C8A: variants seen among roughly 807,000 people sequenced by gnomAD.
C8A encodes the protein complement C8 alpha chain.
A neutral mutation model predicts 65.3 loss-of-function variants in C8A; 67 were observed. That is an observed-to-expected ratio of 1.03 (90% CI 0.84 to 1.26). C8A has a LOEUF of 1.26. Among genes scored for constraint, C8A ranks in the 50% most tolerant of loss-of-function variants. C8A has a pLI of 0.00. For missense variants in C8A, 781 were observed against 723.9 expected (o/e 1.08, Z -0.90); for synonymous variants, 290 against 259.4 (o/e 1.12, Z -1.13).
intron 2 of C8A, among the ~76,000 whole-genome samples, chr1:56,871,801 G>C (rs1644149219): frequency 6.6e-6 from 1 of 152,172 alleles, no homozygotes; most frequent in South Asian, 2.1e-4. Flanking sequence ...ATAATTTTTA[G>C]AGTAAGAAAG....
chr1:56,883,020 G>T (rs971956503), intron 5 of C8A, among the ~76,000 whole-genome samples: 7 of 150,432 alleles, frequency 4.7e-5, no homozygotes, highest in Non-Finnish European at 1.0e-4. Context: ...GCAGAGAAAT[G>T]AAATCCTGTA....
chr1:56,917,788 C>A lies in C8A; in HGVS notation c.*72C>A, dbSNP rs1221766302. ...TGCACTGACTATTGGATAAAGACTT[C>A]TTTCAACTAAGAGAAGATGCAAATC... On this transcript the variant is annotated 3_prime_UTR_variant, in exon 11 of 11. Coordinates refer to ENST00000361249, the MANE Select transcript of C8A (RefSeq NM_000562.3). The A allele has an allele frequency of 7.0e-6, 11 of 1,563,668 alleles. No individual in the cohort carries two copies. In the Admixed American group the frequency reaches 1.9e-4, roughly 26 times the overall value.
intron 2 of C8A, among the ~76,000 whole-genome samples, chr1:56,870,352 C>A (rs1644131850): frequency 6.6e-6 from 1 of 152,020 alleles, no homozygotes; most frequent in African/African-American, 2.4e-5. Context: ...CTAATATTTG[C>A]CTCTTCCAGC....
intron 1 of C8A, among the ~76,000 whole-genome samples, chr1:56,865,113 A>G (rs1267328955): frequency 6.6e-6 from 1 of 152,240 alleles, no homozygotes; most frequent in African/African-American, 2.4e-5. Context: ...TGGGACTTAA[A>G]TATTCTATGT....
At chr1:56,873,330 C>T (rs927632554) in intron 2 of C8A, among the ~76,000 whole-genome samples, 9 of 152,170 alleles carry the variant, frequency 5.9e-5, no homozygotes, top group Admixed American at 2.6e-4. Flanking sequence ...CATTCTCTTA[C>T]TCAGAGCTCA....
intron 5 of C8A, among the ~76,000 whole-genome samples, chr1:56,883,103 G>A (rs915932034): frequency 6.6e-6 from 1 of 152,110 alleles, no homozygotes; most frequent in Non-Finnish European, 1.5e-5. Context: ...GCCCAGATGT[G>A]GCTTTCTGTA....
Position 56,912,487 on chromosome 1 carries a change from C to A in C8A, c.1465C>A (p.Gln489Lys). Residue 489 changes from glutamine to lysine, a missense_variant, in exon 10 of 11, where the codon CAG (glutamine) becomes AAG (lysine). Coordinates refer to ENST00000361249, the MANE Select transcript of C8A (RefSeq NM_000562.3). ...KRQNLRRALDQYLMEFNACRC... is the reference protein window; with the variant it reads ...KRQNLRRALDKYLMEFNACRC... ...CCAGAACCTGCGCCGCGCCTTGGACCAGTATCTGATGGAATTCAATGCCTG... is the reference window on the plus strand; with the variant it reads ...CCAGAACCTGCGCCGCGCCTTGGACAAGTATCTGATGGAATTCAATGCCTG... 6.2e-7 allele frequency: 1 copy of A among 1,614,236 alleles called. No individual in the cohort carries two copies. Among genetic ancestry groups the A allele is most frequent in the South Asian group, 1.1e-5 (1 of 91,082 alleles).
chr1:56,884,893 T>G (rs891640830), intron 6 of C8A, among the ~76,000 whole-genome samples: 2 of 152,216 alleles, frequency 1.3e-5, no homozygotes, highest in African/African-American at 4.8e-5. Flanking sequence ...CATTCTACTA[T>G]AGGCATTGTA....
intron 10 of C8A, among the ~76,000 whole-genome samples, chr1:56,917,110 C>T (rs1284589119): frequency 4.6e-5 from 7 of 152,234 alleles, no homozygotes; most frequent in Non-Finnish European, 5.9e-5. Flanking sequence ...CATGGAACTG[C>T]GGATTCCAAT....
intron 10 of C8A, among the ~76,000 whole-genome samples, chr1:56,913,763 A>G (rs568045409): frequency 1.3e-5 from 2 of 152,350 alleles, no homozygotes; most frequent in Admixed American, 6.5e-5. Flanking sequence ...AAAGGGAAAA[A>G]CAAAGAAGTC....
intron 9 of C8A, among the ~76,000 whole-genome samples, chr1:56,910,348 C>A (rs537214116): frequency 6.6e-6 from 1 of 152,124 alleles, no homozygotes; most frequent in Non-Finnish European, 1.5e-5. Context: ...ATCTGCAAAA[C>A]GGGAACAAGA....
At chr1:56,913,269 A>T (rs1005362751) in intron 10 of C8A, among the ~76,000 whole-genome samples, 1 of 152,244 alleles carries the variant, frequency 6.6e-6, no homozygotes, top group African/African-American at 2.4e-5. Flanking sequence ...AAATAAGGTC[A>T]TGTTCACAGG....
intron 4 of C8A, among the ~76,000 whole-genome samples, chr1:56,878,946 A>G (rs1045337390): frequency 2.6e-5 from 4 of 152,230 alleles, no homozygotes; most frequent in African/African-American, 9.6e-5. Flanking sequence ...TTTTATACTT[A>G]ATAGTAGAGT....
chr1:56,901,154 C>G (rs1218910938), intron 7 of C8A, among the ~76,000 whole-genome samples: 1 of 152,164 alleles, frequency 6.6e-6, no homozygotes, highest in African/African-American at 2.4e-5. Context: ...GCCACACACT[C>G]CAATCATCTT....
Position 56,881,359 on chromosome 1 carries a change from G to C in C8A, c.465-86G>C. 4 of 1,307,324 alleles carry C rather than the reference G, an allele frequency of 3.1e-6. No homozygotes were observed. The Admixed American group carries it at 6.7e-5, about 22-fold the overall frequency. 81.0% of individuals were successfully genotyped at this position (1,307,324 alleles called of 1,614,324 possible). A position where few individuals can be genotyped will look rare whatever the true frequency, so the allele number is the denominator to read the frequency against. On this transcript the variant is annotated intron_variant, in intron 4 of 10. Transcript: ENST00000361249. ...TGTCACATAGGTAAACGTGTGCCAT[G>C]GTGGTTTAATATACAGATCATCCCA...
chr1:56,855,963 G>T (rs946276369), intron 1 of C8A, among the ~76,000 whole-genome samples: 3 of 151,988 alleles, frequency 2.0e-5, no homozygotes. Context: ...AAAGGCAAGA[G>T]AACTGTGTAA....
chr1:56,869,107 G>C (rs1299114956), intron 2 of C8A, among the ~76,000 whole-genome samples: 1 of 152,026 alleles, frequency 6.6e-6, no homozygotes, highest in Non-Finnish European at 1.5e-5. Flanking sequence ...CTGAGATTTT[G>C]GTGCTCCCAT....
intron 1 of C8A, among the ~76,000 whole-genome samples, chr1:56,866,788 C>T (rs923504754): frequency 1.3e-5 from 2 of 152,144 alleles, no homozygotes; most frequent in Non-Finnish European, 2.9e-5. Flanking sequence ...CCTGAGTAGG[C>T]ATTTTAATTG....
intron 7 of C8A, among the ~76,000 whole-genome samples, chr1:56,889,964 C>T (rs888760402): frequency 2.6e-5 from 4 of 152,120 alleles, no homozygotes; most frequent in East Asian, 1.9e-4. Context: ...GGTATCAGTA[C>T]GGTTTGGGGC....
Sources: gnomAD v4.1 joint callset for allele counts (sites outside exome capture counted in the v4.1 genomes callset) on GRCh38, gnomAD v4.1.1 for gene constraint, MANE v1.5 for transcripts, NCBI Gene and HGNC (gene_info 2026-07-23, HGNC 2026-07-21) for gene names.